The following DCLK2 variants were observed in gnomAD, a reference collection of about 807,000 sequenced individuals.
DCLK2 encodes doublecortin like kinase 2, also known as serine/threonine-protein kinase DCLK2.
A neutral mutation model predicts 78.4 loss-of-function variants in DCLK2; 31 were observed. The ratio of observed to expected loss-of-function variants is 0.40; its 90% CI spans 0.30 to 0.53. The LOEUF (loss-of-function observed/expected upper bound fraction) is 0.53. Among genes scored for constraint, DCLK2 ranks in the 20% least tolerant of loss-of-function variants. DCLK2 has a pLI of 0.61. For missense variants in DCLK2, 872 were observed against 973.7 expected (o/e 0.90, Z 1.39); for synonymous variants, 407 against 374.9 (o/e 1.09, Z -0.99).
chr4:150,183,666 G>A (rs1737695939), intron 2 of DCLK2, among the ~76,000 whole-genome samples: 1 of 152,018 alleles, frequency 6.6e-6, no homozygotes, highest in African/African-American at 2.4e-5. Context: ...GTATGAGATG[G>A]ACCCTCTAGA....
chr4:150,139,128 G>A (rs563109971), intron 2 of DCLK2, among the ~76,000 whole-genome samples: 1 of 152,222 alleles, frequency 6.6e-6, no homozygotes, highest in East Asian at 1.9e-4. Context: ...GCCTCACAAG[G>A]TGCTAGGATT....
intron 1 of DCLK2, among the ~76,000 whole-genome samples, chr4:150,099,256 C>A (rs9968416): frequency 0.38 from 58,091 of 151,910 alleles, 11,332 homozygotes; most frequent in Non-Finnish European, 0.42. Context: ...ACATGGTCTC[C>A]CTGTGTTGCC....
At chr4:150,184,497 C>G (rs1401522098) in intron 2 of DCLK2, among the ~76,000 whole-genome samples, 1 of 152,186 alleles carries the variant, frequency 6.6e-6, no homozygotes, top group African/African-American at 2.4e-5. Context: ...TTGACACCAA[C>G]TCCTGTGTAC....
chr4:150,083,757 A>G (rs1729459648), intron 1 of DCLK2, among the ~76,000 whole-genome samples: 1 of 152,200 alleles, frequency 6.6e-6, no homozygotes, highest in Non-Finnish European at 1.5e-5. Context: ...GAAAGTTAAT[A>G]TTGAATTTCA....
intron 1 of DCLK2, among the ~76,000 whole-genome samples, chr4:150,093,045 A>T (rs1730204314): frequency 6.6e-6 from 1 of 152,230 alleles, no homozygotes; most frequent in African/African-American, 2.4e-5. Context: ...AACCCTGAGG[A>T]CCACACAAAA....
chr4:150,167,722 A>G (rs1044507305), intron 2 of DCLK2, among the ~76,000 whole-genome samples: 6 of 152,194 alleles, frequency 3.9e-5, no homozygotes, highest in African/African-American at 1.4e-4. Flanking sequence ...AGCGCCAGAG[A>G]AGGACAGTCT....
chr4:150,137,357 T>C (rs994197108), intron 2 of DCLK2, among the ~76,000 whole-genome samples: 1 of 152,296 alleles, frequency 6.6e-6, no homozygotes, highest in East Asian at 1.9e-4. Flanking sequence ...ACATATGGCC[T>C]CTGGAAGCCC....
intron 5 of DCLK2, 152 bp downstream of exon 5, chr4:150,204,041 T>A: frequency 1.5e-6 from 1 of 668,702 alleles, no homozygotes; most frequent in Non-Finnish European, 2.5e-6. Flanking sequence ...GAATCCTGTG[T>A]ACTGCTGTAA....
chr4:150,238,478 T>A (rs1742671176), intron 10 of DCLK2, among the ~76,000 whole-genome samples: 1 of 152,242 alleles, frequency 6.6e-6, no homozygotes, highest in Non-Finnish European at 1.5e-5. Context: ...ATAATTGATA[T>A]AAAGAAATTT....
chr4:150,141,558 A>G (rs990912558), intron 2 of DCLK2, among the ~76,000 whole-genome samples: 1 of 152,222 alleles, frequency 6.6e-6, no homozygotes, highest in Non-Finnish European at 1.5e-5. Context: ...TTACCATTTT[A>G]TCAACATCTC....
chr4:150,217,308 A>G (rs1190438976), intron 5 of DCLK2, among the ~76,000 whole-genome samples: 1 of 152,174 alleles, frequency 6.6e-6, no homozygotes, highest in Non-Finnish European at 1.5e-5. Flanking sequence ...TTTGCCTTAT[A>G]TTTAACAATA....
intron 1 of DCLK2, among the ~76,000 whole-genome samples, chr4:150,091,465 C>T (rs1730065383): frequency 6.6e-6 from 1 of 151,852 alleles, no homozygotes; most frequent in Non-Finnish European, 1.5e-5. Context: ...TTTGAAGAGT[C>T]CTTGCACTTT....
At chr4:150,083,212 GTA>G (rs1729424359) in intron 1 of DCLK2, among the ~76,000 whole-genome samples, 1 of 152,338 alleles carries the variant, frequency 6.6e-6, no homozygotes, top group Admixed American at 6.5e-5. Flanking sequence ...AGAATGGGGT[GTA>G]TATCTCTGAT....
chr4:150,124,563 A>G lies in DCLK2; in HGVS notation c.756+21751A>G, dbSNP rs192737166. Among the ~76,000 whole-genome samples the G allele has an allele frequency of 7.2e-5, 11 of 152,318 alleles. No individual in the cohort carries two copies. In the East Asian group the frequency reaches 2.1e-3, roughly 29 times the overall value. On this transcript the variant is annotated intron_variant, in intron 2 of 15. Transcript: ENST00000296550. ...TTTTGAATCATTAAGTTTATTAAAC[A>G]CCTAGTCTTTTACATTGTATATTTT...
At chr4:150,201,671 G>T (rs961672883) in intron 4 of DCLK2, among the ~76,000 whole-genome samples, 7 of 152,228 alleles carry the variant, frequency 4.6e-5, no homozygotes, top group African/African-American at 1.7e-4. Context: ...TTCTCCTTCA[G>T]TCCCTTTCCT....
At chr4:150,130,588 G>A (rs947006858) in intron 2 of DCLK2, among the ~76,000 whole-genome samples, 3 of 152,096 alleles carry the variant, frequency 2.0e-5, no homozygotes, top group Non-Finnish European at 4.4e-5. Context: ...TTTGGAGATG[G>A]AGAGTTAAGT....
chr4:150,110,539 A>G (rs1731602751), intron 2 of DCLK2, among the ~76,000 whole-genome samples: 1 of 151,824 alleles, frequency 6.6e-6, no homozygotes, highest in Non-Finnish European at 1.5e-5. Context: ...TACATGGATG[A>G]ATTGTATGGT....
intron 2 of DCLK2, among the ~76,000 whole-genome samples, chr4:150,167,024 T>C (rs1383383536): frequency 6.6e-6 from 1 of 152,166 alleles, no homozygotes; most frequent in Non-Finnish European, 1.5e-5. Flanking sequence ...ATTATTCTCA[T>C]TGGGAGGCAC....
At chr4:150,253,794 G>C (rs1744360091) in intron 15 of DCLK2, 1 of 985,354 alleles carries the variant, frequency 1.0e-6, no homozygotes. Flanking sequence ...GAGAGCACGG[G>C]AGGAGTCCCA....
Sources: gnomAD v4.1 joint callset for allele counts (sites outside exome capture counted in the v4.1 genomes callset) on GRCh38, gnomAD v4.1.1 for gene constraint, MANE v1.5 for transcripts, NCBI Gene and HGNC (gene_info 2026-07-23, HGNC 2026-07-21) for gene names.